The following NIPA2 variants were observed in gnomAD, a reference collection of about 807,000 sequenced individuals.
The protein encoded by NIPA2 is magnesium transporter NIPA2.
NIPA2 carries 11 observed loss-of-function variants against 29.7 expected under a neutral mutation model. That is an observed-to-expected ratio of 0.37 (90% CI 0.23 to 0.61). The LOEUF (loss-of-function observed/expected upper bound fraction) is 0.61, where lower values mean the gene tolerates loss of function less well. Among genes scored for constraint, NIPA2 ranks in the 20% least tolerant of loss-of-function variants. The probability of loss-of-function intolerance (pLI) is 0.66; values close to 1 mark genes in which losing one functional copy is unlikely to be tolerated. For missense variants in NIPA2, 426 were observed against 437.9 expected, an observed-to-expected ratio of 0.97 and a Z score of 0.24; for synonymous variants, 183 against 161.9, an observed-to-expected ratio of 1.13 and a Z score of -0.99.
intron 7 of NIPA2, among the ~76,000 whole-genome samples, chr15:22,863,822 TTCTTC>T (rs1257421040): frequency 3.3e-5 from 5 of 152,144 alleles, no homozygotes; most frequent in Non-Finnish European, 7.4e-5. Context: ...GTTGGGCTGA[TTCTTC>T]TCTTTTCTCT....
intron 3 of NIPA2, 45 bp downstream of exon 3, chr15:22,845,312 GC>G (rs1898291863): frequency 6.6e-6 from 1 of 152,136 alleles, no homozygotes; most frequent in Non-Finnish European, 1.5e-5. Flanking sequence ...GCAGAAGGCT[GC>G]TTTATAATTT....
Position 22,868,362 on chromosome 15 carries a change from AAAT to A in NIPA2, c.*1521_*1523del, listed in dbSNP as rs71307300. 2 of 151,954 alleles carry A rather than the reference AAAT, an allele frequency of 1.3e-5. No individual in the cohort carries two copies. The highest frequency in any genetic ancestry group is 1.9e-4 in the East Asian group (1 of 5,202). The allele number at this position is 151,954 out of a possible 1,614,324, so 9.4% of individuals were successfully genotyped here. A position where few individuals can be genotyped will look rare whatever the true frequency, so the allele number is the denominator to read the frequency against. On this transcript the variant is annotated 3_prime_UTR_variant, in exon 8 of 8. Coordinates refer to ENST00000337451, the MANE Select transcript of NIPA2 (RefSeq NM_030922.7). The stretch of plus-strand genomic sequence containing the variant: ...CTCATTTGAACATGCATAGGTTAAT[AAAT>A]AATAAATTCTTATTTAACATTTTGT...
At chr15:22,863,667 C>G (rs183643457) in intron 7 of NIPA2, among the ~76,000 whole-genome samples, 416 of 152,328 alleles carry the variant, frequency 2.7e-3, no homozygotes, top group South Asian at 4.8e-3. Context: ...GGGTCTTGTT[C>G]CATTCAGTTC....
chr15:22,853,085 G>A (rs1336257250), intron 4 of NIPA2, 127 bp from the exon 5 acceptor site: 6 of 613,114 alleles, frequency 9.8e-6, no homozygotes, highest in South Asian at 2.2e-5. Context: ...GAGAAATCCC[G>A]AGTCATGCAG....
intron 6 of NIPA2, among the ~76,000 whole-genome samples, chr15:22,858,884 A>G (rs1246222668): frequency 6.6e-6 from 1 of 152,138 alleles, no homozygotes; most frequent in East Asian, 1.9e-4. Flanking sequence ...CAGTTTTTTA[A>G]TATTCAAAGT....
chr15:22,859,294 T>C (rs936656172), intron 6 of NIPA2, among the ~76,000 whole-genome samples: 3 of 135,922 alleles, frequency 2.2e-5, no homozygotes, highest in Admixed American at 1.5e-4. Context: ...CTTTTTCTTT[T>C]TTTTTTTTTT....
chr15:22,866,184 C>T (rs1370115702), intron 7 of NIPA2, 29 bp from the exon 8 acceptor site: 2 of 1,588,632 alleles, frequency 1.3e-6, no homozygotes, highest in Non-Finnish European at 1.7e-6. Flanking sequence ...AACCATTTGA[C>T]TCATGTAACT....
intron 1 of NIPA2, among the ~76,000 whole-genome samples, chr15:22,839,340 A>T (rs532604097): frequency 6.6e-6 from 1 of 152,256 alleles, no homozygotes; most frequent in East Asian, 1.9e-4. Flanking sequence ...CTGTGTGTTT[A>T]GTTTGGTGTT....
At chr15:22,844,546 T>G (rs565887189) in intron 2 of NIPA2, among the ~76,000 whole-genome samples, 1 of 132,418 alleles carries the variant, frequency 7.6e-6, no homozygotes, top group South Asian at 2.3e-4. Flanking sequence ...AGTGCAAGAC[T>G]GTGACTCAAA....
In NIPA2 at chr15:22,866,818, C is replaced by T. The variant is rs745933018; in HGVS notation, c.1054C>T (p.Arg352Ter). 3.1e-6 allele frequency: 5 copies of T among 1,596,882 alleles called. No individual in the cohort carries two copies. Among genetic ancestry groups the T allele is most frequent in the Admixed American group, 1.7e-5 (1 of 57,504 alleles). Residue 352 changes from arginine to a stop codon, truncating the protein, a stop_gained, in exon 8 of 8, where the codon CGA becomes TGA. Coordinates refer to ENST00000337451, the MANE Select transcript of NIPA2 (RefSeq NM_030922.7). LOFTEE classifies it high-confidence loss of function. ...ACAACACACTGGTGAAAATGTCTCC[C>T]GAAGAAATGGAAATCTGACAGCTTT... ...IEQHTGENVS[R>*]RNGNLTAF
chr15:22,857,938 C>G (rs529354825), intron 5 of NIPA2, among the ~76,000 whole-genome samples: 1 of 151,386 alleles, frequency 6.6e-6, no homozygotes, highest in South Asian at 2.1e-4. Flanking sequence ...ATTTACTGTC[C>G]TGGGATATAA....
chr15:22,858,653 G>GA, intron 6 of NIPA2, 23 bp downstream of exon 6: 1 of 1,411,576 alleles, frequency 7.1e-7, no homozygotes, highest in Non-Finnish European at 9.8e-7. Context: ...TTTTCATGTA[G>GA]AAACAGTAGT....
chr15:22,841,150 CT>C (rs1896986390), intron 2 of NIPA2, among the ~76,000 whole-genome samples: 1 of 152,062 alleles, frequency 6.6e-6, no homozygotes, highest in Admixed American at 6.5e-5. Flanking sequence ...ATTTTAGCTG[CT>C]TTTGTCATAA....
At chr15:22,864,703 C>T (rs1218788332) in intron 7 of NIPA2, among the ~76,000 whole-genome samples, 4 of 152,194 alleles carry the variant, frequency 2.6e-5, no homozygotes, top group Admixed American at 2.6e-4. Context: ...GCCTTTACTC[C>T]ACTTCAGAGG....
At chr15:22,858,038 A>G (rs577544300) in intron 5 of NIPA2, among the ~76,000 whole-genome samples, 1 of 152,232 alleles carries the variant, frequency 6.6e-6, no homozygotes, top group South Asian at 2.1e-4. Context: ...TGTTTCTAGA[A>G]TGTTTCTAAT....
At position 22,851,639 on chromosome 15, in the gene NIPA2, G is replaced by C; in HGVS notation, c.-93G>C. The C allele has an allele frequency of 9.5e-7, 1 of 1,056,962 alleles. No homozygotes were observed. The highest frequency in any genetic ancestry group is 1.4e-6 in the Non-Finnish European group (1 of 732,144). The allele number at this position is 1,056,962 out of a possible 1,614,324, so 65.5% of individuals were successfully genotyped here. ...CCACATTTCATTTTTTATTGTTTAG[G>C]TTTGAAGACTGCTTCATTCTGCCTC... is the stretch of plus-strand genomic sequence containing the variant. On this transcript the variant is annotated splice_region_variant and 5_prime_UTR_variant, in exon 4 of 8. Transcript: ENST00000337451.
intron 5 of NIPA2, among the ~76,000 whole-genome samples, chr15:22,855,746 A>T (rs973321286): frequency 2.6e-5 from 4 of 152,144 alleles, no homozygotes; most frequent in African/African-American, 9.7e-5. Flanking sequence ...GCTGAAAGGT[A>T]TTTGGGTAGA....
chr15:22,844,622 G>GTA (rs1335409908), intron 2 of NIPA2, among the ~76,000 whole-genome samples: 1 of 152,008 alleles, frequency 6.6e-6, no homozygotes, highest in Non-Finnish European at 1.5e-5. Flanking sequence ...AGGTGTCGTG[G>GTA]TATACGCCTG....
intron 5 of NIPA2, among the ~76,000 whole-genome samples, chr15:22,854,602 C>T (rs12595315): frequency 0.058 from 8,838 of 151,760 alleles, 612 homozygotes; most frequent in East Asian, 0.39. Flanking sequence ...AAAAATTAGC[C>T]GGGCGTGGTG....
Sources: gnomAD v4.1 joint callset for allele counts (sites outside exome capture counted in the v4.1 genomes callset) on GRCh38, gnomAD v4.1.1 for gene constraint, MANE v1.5 for transcripts, NCBI Gene and HGNC (gene_info 2026-07-23, HGNC 2026-07-21) for gene names.